Variants in KHDRBS2 observed in about 807,000 individuals in gnomAD.
KHDRBS2 encodes the protein KH RNA binding domain containing, signal transduction associated 2.
Under a neutral mutation model 44.3 loss-of-function variants are expected in KHDRBS2, and 26 were observed. That is an observed-to-expected ratio of 0.59 (90% CI 0.43 to 0.81). The LOEUF (loss-of-function observed/expected upper bound fraction) is 0.81. Among genes scored for constraint, KHDRBS2 ranks in the 40% least tolerant of loss-of-function variants. The pLI is 0.00. For synonymous variants in KHDRBS2, 194 were observed against 151.1 expected, an observed-to-expected ratio of 1.28 and a Z score of -2.08; for missense variants, 476 against 433.1, an observed-to-expected ratio of 1.10 and a Z score of -0.88.
At chr6:62,157,368 T>C (rs2150109668) in intron 2 of KHDRBS2, among the ~76,000 whole-genome samples, 1 of 152,192 alleles carries the variant, frequency 6.6e-6, no homozygotes, top group South Asian at 2.1e-4. Context: ...TATAATTTAA[T>C]GCATGTTTGT....
At chr6:62,064,774 G>A (rs1267496414) in intron 2 of KHDRBS2, among the ~76,000 whole-genome samples, 1 of 151,968 alleles carries the variant, frequency 6.6e-6, no homozygotes, top group African/African-American at 2.4e-5. Flanking sequence ...AGCCAAAATT[G>A]ACAAATGGGA....
At chr6:61,617,509 C>A in the KHDRBS2 span, among the ~76,000 whole-genome samples, 9 of 151,990 alleles carry the variant, frequency 5.9e-5, no homozygotes, top group Admixed American at 4.6e-4. Context: ...ATTCTAATAT[C>A]TTGTAAACCA....
chr6:62,114,106 C>T (rs115657571), intron 2 of KHDRBS2, among the ~76,000 whole-genome samples: 34 of 152,192 alleles, frequency 2.2e-4, no homozygotes, highest in African/African-American at 7.7e-4. Flanking sequence ...ATGAGAACAG[C>T]ATGAGGGTCA....
At chr6:61,718,437 T>C (rs987466851) in intron 7 of KHDRBS2, among the ~76,000 whole-genome samples, 1 of 152,148 alleles carries the variant, frequency 6.6e-6, no homozygotes, top group African/African-American at 2.4e-5. Context: ...TTACTACTTA[T>C]TGAAGTGTGA....
chr6:62,044,014 T>TA (rs1297627095), intron 3 of KHDRBS2, among the ~76,000 whole-genome samples: 1 of 152,140 alleles, frequency 6.6e-6, no homozygotes, highest in East Asian at 1.9e-4. Context: ...TAATACTTTT[T>TA]ATATAGCATA....
At chr6:61,553,352 G>A in the KHDRBS2 span, among the ~76,000 whole-genome samples, 8 of 151,794 alleles carry the variant, frequency 5.3e-5, no homozygotes, top group Admixed American at 1.3e-4. Flanking sequence ...GTAACATCCC[G>A]TTTGTCATTT....
At chr6:61,608,953 C>T in the KHDRBS2 span, among the ~76,000 whole-genome samples, 8 of 152,246 alleles carry the variant, frequency 5.3e-5, no homozygotes, top group East Asian at 1.4e-3. Context: ...GGTATATACC[C>T]AGTAATGGGA....
At chr6:61,855,961 A>T (rs964289903) in intron 6 of KHDRBS2, among the ~76,000 whole-genome samples, 12 of 152,018 alleles carry the variant, frequency 7.9e-5, no homozygotes, top group Non-Finnish European at 1.6e-4. Flanking sequence ...CTTGCACTCA[A>T]ATCTTTGCTT....
intron 2 of KHDRBS2, among the ~76,000 whole-genome samples, chr6:62,153,586 T>A (rs1260062197): frequency 6.6e-6 from 1 of 152,142 alleles, no homozygotes; most frequent in Non-Finnish European, 1.5e-5. Flanking sequence ...ATATGAACTC[T>A]GATATTTATT....
chr6:61,641,170 T>C, the KHDRBS2 span, among the ~76,000 whole-genome samples: 1 of 152,178 alleles, frequency 6.6e-6, no homozygotes, highest in Non-Finnish European at 1.5e-5. Context: ...CTTCAGTAAG[T>C]TCTGTATCAG....
intron 6 of KHDRBS2, among the ~76,000 whole-genome samples, chr6:61,867,392 A>G (rs1259845363): frequency 6.6e-6 from 1 of 152,142 alleles, no homozygotes; most frequent in Non-Finnish European, 1.5e-5. Flanking sequence ...CTTCCACAAC[A>G]TGTGGGAATT....
chr6:61,570,883 A>G, the KHDRBS2 span, among the ~76,000 whole-genome samples: 3 of 152,278 alleles, frequency 2.0e-5, no homozygotes, highest in South Asian at 6.2e-4. Context: ...AGAGTTCACC[A>G]CTACCAAAAG....
intron 7 of KHDRBS2, among the ~76,000 whole-genome samples, chr6:61,714,306 T>TC (rs1447491166): frequency 6.6e-6 from 1 of 151,752 alleles, no homozygotes; most frequent in African/African-American, 2.4e-5. Context: ...ACATTACCAA[T>TC]CATTAGAGAA....
intron 2 of KHDRBS2, among the ~76,000 whole-genome samples, chr6:62,062,692 G>T (rs1792296469): frequency 1.4e-5 from 2 of 148,128 alleles, no homozygotes; most frequent in African/African-American, 2.5e-5. Flanking sequence ...ATCCAAAATT[G>T]ACACCCTAAC....
chr6:61,676,346 C>T (rs527928879), downstream of KHDRBS2, among the ~76,000 whole-genome samples: 31 of 151,932 alleles, frequency 2.0e-4, no homozygotes, highest in South Asian at 4.1e-3. Flanking sequence ...AAACTTAAGT[C>T]TCCATTCCGC....
At chr6:61,798,178 C>T (rs1438869917) in intron 6 of KHDRBS2, among the ~76,000 whole-genome samples, 1 of 152,004 alleles carries the variant, frequency 6.6e-6, no homozygotes, top group Non-Finnish European at 1.5e-5. Context: ...ATATCTCATG[C>T]CACAATTAGT....
At chr6:61,753,356 T>G (rs942060538) in intron 6 of KHDRBS2, among the ~76,000 whole-genome samples, 3 of 152,100 alleles carry the variant, frequency 2.0e-5, no homozygotes, top group African/African-American at 7.2e-5. Flanking sequence ...GGACCCTAAT[T>G]AGCTTAGGTC....
the KHDRBS2 span, among the ~76,000 whole-genome samples, chr6:61,542,850 T>G: frequency 6.6e-6 from 1 of 151,954 alleles, no homozygotes; most frequent in Non-Finnish European, 1.5e-5. Flanking sequence ...TGAGTGGAGT[T>G]TAGGAGATTT....
At chr6:61,837,650 C>CA (rs1352672714) in intron 6 of KHDRBS2, among the ~76,000 whole-genome samples, 1 of 151,910 alleles carries the variant, frequency 6.6e-6, no homozygotes, top group Non-Finnish European at 1.5e-5. Flanking sequence ...CTACAAGCAT[C>CA]AAAAAATGTA....
Sources: allele counts gnomAD v4.1 joint callset (sites outside exome capture counted in the v4.1 genomes callset), GRCh38; gene constraint gnomAD v4.1.1; transcripts MANE v1.5; gene names NCBI Gene and HGNC (gene_info 2026-07-23, HGNC 2026-07-21).